Variants in NETO1 observed in about 807,000 individuals in gnomAD.
NETO1 encodes the protein neuropilin and tolloid like 1.
NETO1 carries 26 observed loss-of-function variants against 61.3 expected under a neutral mutation model. The ratio of observed to expected loss-of-function variants is 0.42; its 90% CI spans 0.31 to 0.59. The LOEUF is 0.59. NETO1 is among the 20% of genes least tolerant of loss of function. The probability of loss-of-function intolerance (pLI) is 0.12; values close to 1 mark genes in which losing one functional copy is unlikely to be tolerated. For missense variants in NETO1, 531 were observed against 662.8 expected, an observed-to-expected ratio of 0.80 and a Z score of 2.18; for synonymous variants, 225 against 225.8, an observed-to-expected ratio of 1.00 and a Z score of 0.03.
chr18:72,861,609 A>T (rs1331977619), intron 3 of NETO1, among the ~76,000 whole-genome samples: 1 of 152,196 alleles, frequency 6.6e-6, no homozygotes, highest in Non-Finnish European at 1.5e-5. Flanking sequence ...ATATATACAG[A>T]ATATTTCCTC....
chr18:72,841,179 T>C (rs2073918605), intron 4 of NETO1, among the ~76,000 whole-genome samples: 1 of 152,120 alleles, frequency 6.6e-6, no homozygotes, highest in African/African-American at 2.4e-5. Context: ...TTTTTGGTAT[T>C]TGAAGTAATT....
intron 4 of NETO1, among the ~76,000 whole-genome samples, chr18:72,814,952 T>C (rs2072985704): frequency 6.6e-6 from 1 of 152,028 alleles, no homozygotes; most frequent in African/African-American, 2.4e-5. Flanking sequence ...TTAAAATTAT[T>C]ATTATTTAGT....
At chr18:72,846,127 C>T (rs1339460012) in intron 4 of NETO1, among the ~76,000 whole-genome samples, 1 of 151,514 alleles carries the variant, frequency 6.6e-6, no homozygotes, top group Non-Finnish European at 1.5e-5. Flanking sequence ...TTGGGGCTGA[C>T]TGGGTCAAAA....
intron 4 of NETO1, among the ~76,000 whole-genome samples, chr18:72,839,639 G>C (rs555272353): frequency 6.6e-6 from 1 of 151,880 alleles, no homozygotes; most frequent in Non-Finnish European, 1.5e-5. Flanking sequence ...CCTCTAAAAT[G>C]CCTATTTCTT....
chr18:72,776,805 G>A (rs968907780), intron 7 of NETO1, among the ~76,000 whole-genome samples: 5 of 152,152 alleles, frequency 3.3e-5, no homozygotes, highest in East Asian at 3.9e-4. Flanking sequence ...TAACCCTAAC[G>A]CTAACTTCTT....
rs994257340 is a variant in NETO1 at position 72,747,849 on chromosome 18, A to G, written c.*330T>C. 3 of 152,176 alleles carry G rather than the reference A, an allele frequency of 2.0e-5. No homozygotes were observed. The highest frequency in any genetic ancestry group is 2.0e-4 in the Admixed American group (3 of 15,262). The allele number at this position is 152,176 out of a possible 1,614,324, so 9.4% of individuals were successfully genotyped here. A position where few individuals can be genotyped will look rare whatever the true frequency, so the allele number is the denominator to read the frequency against. The stretch of plus-strand genomic sequence containing the variant: ...CAATTATATAACAAAGACATAAAAC[A>G]ACATAGAAACAAAAGTGAAACTGAC... On this transcript the variant is annotated 3_prime_UTR_variant, in exon 11 of 11. Coordinates refer to ENST00000327305, the MANE Select transcript of NETO1 (RefSeq NM_138966.5).
In NETO1 at chr18:72,746,843, TC is replaced by T. The variant is rs985519139; in HGVS notation, c.*1335del. 2.6e-5 allele frequency among the ~76,000 whole-genome samples: 4 copies of T among 152,102 alleles called. No homozygotes were observed. Among genetic ancestry groups the T allele is most frequent in the South Asian group, 4.1e-4 (2 of 4,832 alleles). On this transcript the variant is annotated 3_prime_UTR_variant, in exon 11 of 11. Transcript: ENST00000327305. ...ATTGAATATTTTAAAAAATAACCACTCACCAAATCAAACTTTACAGAGTGTG... is the reference window on the plus strand; with the variant it reads ...ATTGAATATTTTAAAAAATAACCACTACCAAATCAAACTTTACAGAGTGTG...
Position 72,830,955 on chromosome 18 carries a change from C to T in NETO1, c.469+27871G>A, listed in dbSNP as rs1252626862. 6.6e-6 allele frequency among the ~76,000 whole-genome samples: 1 copy of T among 152,080 alleles called. No individual in the cohort carries two copies. The highest frequency in any genetic ancestry group is 2.4e-5 in the African/African-American group (1 of 41,408). ...GGTTGTCAATTATGCCTTCTGACTGCAAAATCTTCTTGATGAGGTATACTA... is the reference window on the plus strand; with the variant it reads ...GGTTGTCAATTATGCCTTCTGACTGTAAAATCTTCTTGATGAGGTATACTA... On this transcript the variant is annotated intron_variant, in intron 4 of 10. Coordinates refer to ENST00000327305, the MANE Select transcript of NETO1 (RefSeq NM_138966.5). The surrounding 1 kb of genome is among the most constrained non-coding windows in gnomAD (Gnocchi z 4.9).
rs1352572041 is a variant in NETO1 at position 72,750,543 on chromosome 18, T to A, written c.1060A>T (p.Ile354Phe). The A allele has an allele frequency of 6.2e-7, 1 of 1,613,770 alleles. No homozygotes were observed. The highest frequency in any genetic ancestry group is 1.1e-5 in the South Asian group (1 of 91,082). Residue 354 changes from isoleucine (I) to phenylalanine (F), a missense_variant, in exon 9 of 11, where the codon ATC becomes TTC. Ile to Phe is a conservative substitution (Grantham distance 21). Transcript: ENST00000327305. Reference sequence around the variant, plus strand: ...ATGACAGAGATGATAATGAGGATGATCACGATGCAGGAAGTCACGCCAATG... The same window carrying A: ...ATGACAGAGATGATAATGAGGATGAACACGATGCAGGAAGTCACGCCAATG... ...TVIGVTSCIV[I>F]ILIIISVIVQ...
At chr18:72,743,487 G>A (rs2145050743), downstream of NETO1, among the ~76,000 whole-genome samples, 1 of 152,312 alleles carries the variant, frequency 6.6e-6, no homozygotes, top group African/African-American at 2.4e-5. Flanking sequence ...CATGGAAGAT[G>A]ATGAAGGAGG....
rs1339835993 is a variant in NETO1, at chr18:72,750,199, T to G, written c.1404A>C (p.Pro468=). The stretch of plus-strand genomic sequence containing the variant: ...CAAGGATATTTCTTCTGTTCATGGG[T>G]GGGATGAGGGGTTTTCCTGGCTGTG... ...MPTQPGKPLI[P]PMNRRNILVM... Residue 468 remains proline, a synonymous_variant, in exon 9 of 11, where the codon CCA becomes CCC. Coordinates refer to ENST00000327305, the MANE Select transcript of NETO1 (RefSeq NM_138966.5). 6.2e-7 allele frequency: 1 copy of G among 1,613,936 alleles called. No individual in the cohort carries two copies. The highest frequency in any genetic ancestry group is 8.5e-7 in the Non-Finnish European group (1 of 1,179,952).
intron 10 of NETO1, among the ~76,000 whole-genome samples, chr18:72,748,701 T>G (rs1314325549): frequency 1.3e-5 from 2 of 152,104 alleles, no homozygotes; most frequent in Non-Finnish European, 2.9e-5. Flanking sequence ...TTCGAGTATT[T>G]CTTTGGAGAT....
chr18:72,846,385 G>C (rs1048425360), intron 4 of NETO1, among the ~76,000 whole-genome samples: 1 of 151,328 alleles, frequency 6.6e-6, no homozygotes, highest in Non-Finnish European at 1.5e-5. Flanking sequence ...TGCTCTTGTA[G>C]TCCCAGCTAC....
Position 72,794,239 on chromosome 18 carries a change from C to T in NETO1, c.517G>A (p.Glu173Lys), listed in dbSNP as rs2072235761. The change falls in exon 6 of 11, where the codon GAG becomes AAG. Residue 173 changes from glutamate (E) to lysine (K), a missense_variant. Coordinates refer to ENST00000327305, the MANE Select transcript of NETO1 (RefSeq NM_138966.5). The stretch of plus-strand genomic sequence containing the variant: ...CCTTCGGAACCGCCCATCTCAAACT[C>T]ACACGCTAAATAACAAAATGCCAAA... ...LGALKPLPACEFEMGGSEGIV... is the reference protein window; with the variant it reads ...LGALKPLPACKFEMGGSEGIV... The T allele has an allele frequency of 6.2e-7, 1 of 1,614,174 alleles. No homozygotes were observed. The highest frequency in any genetic ancestry group is 8.5e-7 in the Non-Finnish European group (1 of 1,180,020).
chr18:72,832,876 A>G (rs2073625789), intron 4 of NETO1, among the ~76,000 whole-genome samples: 1 of 152,184 alleles, frequency 6.6e-6, no homozygotes, highest in Admixed American at 6.5e-5. Flanking sequence ...ATGTTTTCTG[A>G]ACAGACAGAT....
intron 4 of NETO1, chr18:72,834,403 G>T: frequency 1.0e-6 from 1 of 954,098 alleles, no homozygotes; most frequent in Non-Finnish European, 1.2e-6. Context: ...TTAATGAAGG[G>T]AGTATAAGAA....
Position 72,836,755 on chromosome 18 carries a change from C to T in NETO1, c.469+22071G>A, listed in dbSNP as rs141977236. ...AGCCCTTGATTGTCATGGTAAGAAA[C>T]GGTATACTAAGCTACTGAGCAATTT... On this transcript the variant is annotated intron_variant, in intron 4 of 10. Coordinates refer to ENST00000327305, the MANE Select transcript of NETO1 (RefSeq NM_138966.5). Among the ~76,000 whole-genome samples the T allele has an allele frequency of 1.6e-3, 248 of 152,144 alleles. 1 individual carries two copies. Among genetic ancestry groups the T allele is most frequent in the African/African-American group, 4.4e-3 (182 of 41,492 alleles).
intron 8 of NETO1, among the ~76,000 whole-genome samples, chr18:72,754,907 C>A (rs530747447): frequency 3.3e-4 from 50 of 152,250 alleles, no homozygotes; most frequent in South Asian, 2.9e-3. Flanking sequence ...TTTTCAAGTG[C>A]ACATGGGACA....
chr18:72,758,438 T>C (rs998595291), intron 7 of NETO1, among the ~76,000 whole-genome samples: 1 of 146,722 alleles, frequency 6.8e-6, no homozygotes, highest in Admixed American at 6.9e-5. Context: ...GTGTTTGTAA[T>C]ATCCTAGGTA....
Sources: gnomAD v4.1 joint callset for allele counts (sites outside exome capture counted in the v4.1 genomes callset) on GRCh38, gnomAD v4.1.1 for gene constraint, Gnocchi (gnomAD v3.1) non-coding constraint, MANE v1.5 for transcripts, NCBI Gene and HGNC (gene_info 2026-07-23, HGNC 2026-07-21) for gene names.